The following PRKCE variants were observed in gnomAD, a reference collection of about 807,000 sequenced individuals.
The protein encoded by PRKCE is protein kinase C epsilon.
In PRKCE, 16 loss-of-function variants were observed where a neutral mutation model predicts 85.4. That is an observed-to-expected ratio of 0.19 (90% confidence interval 0.13 to 0.28). PRKCE has a LOEUF of 0.28. Ranked by LOEUF, PRKCE falls within the 10% of genes least tolerant of loss-of-function variation. The probability of loss-of-function intolerance (pLI) is 1.00; values close to 1 mark genes in which losing one functional copy is unlikely to be tolerated. For missense variants in PRKCE, 573 were observed against 975.2 expected (o/e 0.59, Z 5.49); for synonymous variants, 388 against 371.5 (o/e 1.04, Z -0.51).
chr2:45,786,117 G>A lies in PRKCE; in HGVS notation c.349-56883G>A, dbSNP rs910875684. Among the ~76,000 whole-genome samples, 4 of 152,158 alleles carry A rather than the reference G, an allele frequency of 2.6e-5. No individual in the cohort carries two copies. The highest frequency in any genetic ancestry group is 9.7e-5 in the African/African-American group (4 of 41,440). On this transcript the variant is annotated intron_variant, in intron 1 of 14. Transcript: ENST00000306156. This position sits in a 1 kb window ranked among gnomAD's most constrained non-coding sequence, Gnocchi z 5.3. Reference sequence around the variant, plus strand: ...CTATGGCCTTCCATAGGCACCTGCTGGGGATCTTTATTTGAAATGAGCAAT... The same window carrying A: ...CTATGGCCTTCCATAGGCACCTGCTAGGGATCTTTATTTGAAATGAGCAAT...
At chr2:45,753,382 A>T (rs568562208) in intron 1 of PRKCE, among the ~76,000 whole-genome samples, 2 of 152,370 alleles carry the variant, frequency 1.3e-5, no homozygotes, top group East Asian at 3.9e-4. Flanking sequence ...GGAGAACTTT[A>T]CATCTTTTTA....
intron 2 of PRKCE, among the ~76,000 whole-genome samples, chr2:45,949,459 A>T (rs1218732528): frequency 5.8e-5 from 3 of 51,668 alleles, no homozygotes; most frequent in Admixed American, 2.5e-4. Context: ...AGGAGTTTTT[A>T]ATATACATTG....
chr2:46,060,365 A>G (rs1175911379), intron 10 of PRKCE, among the ~76,000 whole-genome samples: 3 of 152,140 alleles, frequency 2.0e-5, no homozygotes, highest in Non-Finnish European at 4.4e-5. Context: ...CCTGCACAAG[A>G]GAGAAGACCC....
chr2:45,847,624 G>T (rs542019557), intron 2 of PRKCE, among the ~76,000 whole-genome samples: 37 of 152,262 alleles, frequency 2.4e-4, no homozygotes, highest in African/African-American at 8.9e-4. Context: ...CAGGCCAAAA[G>T]GTTGATTATG....
At chr2:45,919,181 G>T (rs1698063299) in intron 2 of PRKCE, among the ~76,000 whole-genome samples, 1 of 152,326 alleles carries the variant, frequency 6.6e-6, no homozygotes, top group African/African-American at 2.4e-5. Context: ...GTAGACAGAG[G>T]GGAAAAGAGC....
Position 45,962,825 on chromosome 2 carries a change from C to T in PRKCE, c.413-13604C>T, listed in dbSNP as rs1275317983. Among the ~76,000 whole-genome samples, 5 of 152,190 alleles carry T rather than the reference C, an allele frequency of 3.3e-5. No homozygotes were observed. In the South Asian group the frequency reaches 8.3e-4, roughly 25 times the overall value. Reference sequence around the variant, plus strand: ...GCATGTGCGTGTCAGAGCTCCTGAGCCCTGAAGGAGCATGAGTTCGATTCT... The same window carrying T: ...GCATGTGCGTGTCAGAGCTCCTGAGTCCTGAAGGAGCATGAGTTCGATTCT... On this transcript the variant is annotated intron_variant, in intron 2 of 14. Coordinates refer to ENST00000306156, the MANE Select transcript of PRKCE (RefSeq NM_005400.3).
intron 1 of PRKCE, among the ~76,000 whole-genome samples, chr2:45,807,275 C>T (rs1688317045): frequency 6.6e-6 from 1 of 152,212 alleles, no homozygotes; most frequent in Non-Finnish European, 1.5e-5. Flanking sequence ...CGGATGCTCA[C>T]ACATAACAGT....
At chr2:46,141,873 A>G (rs762079400) in intron 11 of PRKCE, among the ~76,000 whole-genome samples, 26 of 152,102 alleles carry the variant, frequency 1.7e-4, no homozygotes, top group Non-Finnish European at 8.8e-5. Context: ...AACACTGAAC[A>G]CCATGGGAAC....
chr2:46,182,676 C>T (rs1364461034), intron 14 of PRKCE, among the ~76,000 whole-genome samples: 1 of 152,184 alleles, frequency 6.6e-6, no homozygotes, highest in Non-Finnish European at 1.5e-5. Flanking sequence ...CAGTTTGTCC[C>T]TCCTCCGTGC....
chr2:46,074,993 G>A (rs923948351), intron 10 of PRKCE, among the ~76,000 whole-genome samples: 2 of 152,188 alleles, frequency 1.3e-5, no homozygotes, highest in African/African-American at 4.8e-5. Context: ...CTGGGTTGGG[G>A]AAATTGGATT....
chr2:45,670,814 C>T (rs1038270921), intron 1 of PRKCE, among the ~76,000 whole-genome samples: 2 of 152,216 alleles, frequency 1.3e-5, no homozygotes, highest in Non-Finnish European at 1.5e-5. Flanking sequence ...TAGACTGGTT[C>T]TGAGAAACCT....
At chr2:45,853,758 G>T (rs1346452504) in intron 2 of PRKCE, among the ~76,000 whole-genome samples, 1 of 152,142 alleles carries the variant, frequency 6.6e-6, no homozygotes, top group Non-Finnish European at 1.5e-5. Context: ...TTGGATAATC[G>T]GTTCTTTCAT....
chr2:45,751,967 G>C lies in PRKCE; in HGVS notation c.349-91033G>C, dbSNP rs529970360. On this transcript the variant is annotated intron_variant, in intron 1 of 14. Transcript: ENST00000306156. Reference sequence around the variant, plus strand: ...CAAGTAGCTGGGACTACAGGCGCCCGCCACTACGCCCGGCTAATTTTTTGT... The same window carrying C: ...CAAGTAGCTGGGACTACAGGCGCCCCCCACTACGCCCGGCTAATTTTTTGT... Among the ~76,000 whole-genome samples, 41 of 149,240 alleles carry C rather than the reference G, an allele frequency of 2.7e-4. No individual in the cohort carries two copies. The East Asian group carries it at 7.4e-3, about 27-fold the overall frequency.
intron 10 of PRKCE, among the ~76,000 whole-genome samples, chr2:46,053,321 C>T (rs1468382725): frequency 6.6e-6 from 1 of 152,060 alleles, no homozygotes; most frequent in Non-Finnish European, 1.5e-5. Flanking sequence ...AAAGTTACTC[C>T]CCCCCGATTA....
intron 11 of PRKCE, among the ~76,000 whole-genome samples, chr2:46,087,261 A>G (rs1288848998): frequency 6.6e-6 from 1 of 152,100 alleles, no homozygotes; most frequent in Non-Finnish European, 1.5e-5. Flanking sequence ...AAGAAGCCTA[A>G]ATGGACAGAA....
intron 1 of PRKCE, among the ~76,000 whole-genome samples, chr2:45,664,952 G>C (rs1484111059): frequency 6.6e-6 from 1 of 152,206 alleles, no homozygotes; most frequent in Admixed American, 6.5e-5. Flanking sequence ...TGATTGTTCA[G>C]TTGTCCTGGG....
chr2:45,735,742 G>A (rs1207300442), intron 1 of PRKCE, among the ~76,000 whole-genome samples: 2 of 152,202 alleles, frequency 1.3e-5, no homozygotes, highest in African/African-American at 4.8e-5. Context: ...AGGTGCACAT[G>A]GGAATGAATG....
At chr2:45,740,940 C>T (rs902633193) in intron 1 of PRKCE, among the ~76,000 whole-genome samples, 1 of 152,174 alleles carries the variant, frequency 6.6e-6, no homozygotes, top group East Asian at 1.9e-4. Flanking sequence ...TAAATACTTT[C>T]CATTGTAGAT....
At chr2:45,661,866 G>A (rs1381655987) in intron 1 of PRKCE, among the ~76,000 whole-genome samples, 1 of 152,038 alleles carries the variant, frequency 6.6e-6, no homozygotes, top group African/African-American at 2.4e-5. Flanking sequence ...ATCATGATGA[G>A]TGAATCTAGA....
Sources: gnomAD v4.1 joint callset for allele counts (sites outside exome capture counted in the v4.1 genomes callset) on GRCh38, gnomAD v4.1.1 for gene constraint, Gnocchi (gnomAD v3.1) non-coding constraint, MANE v1.5 for transcripts, NCBI Gene and HGNC (gene_info 2026-07-23, HGNC 2026-07-21) for gene names.